The following ROBO1 variants were observed in gnomAD, a reference collection of about 807,000 sequenced individuals.
The protein encoded by ROBO1 is roundabout homolog 1.
A neutral mutation model predicts 195.9 loss-of-function variants in ROBO1; 149 were observed. The ratio of observed to expected loss-of-function variants is 0.76; its 90% confidence interval spans 0.67 to 0.87. ROBO1 has a LOEUF of 0.87. ROBO1 is among the 40% of genes least tolerant of loss of function. ROBO1 has a pLI of 0.00. For synonymous variants in ROBO1, 816 were observed against 733.2 expected (o/e 1.11, Z -1.82); for missense variants, 1,933 against 2,068.3 (o/e 0.93, Z 1.27).
At chr3:79,214,551 T>C (rs1286432620) in intron 2 of ROBO1, among the ~76,000 whole-genome samples, 5 of 151,990 alleles carry the variant, frequency 3.3e-5, no homozygotes, top group Admixed American at 3.3e-4. Flanking sequence ...ATAAAGTTTT[T>C]CACACAATGC....
At chr3:78,682,552 G>T (rs1361146744) in intron 10 of ROBO1, among the ~76,000 whole-genome samples, 1 of 147,104 alleles carries the variant, frequency 6.8e-6, no homozygotes, top group Non-Finnish European at 1.5e-5. Flanking sequence ...TAGTATATAT[G>T]TGTGTATATG....
At chr3:79,083,030 G>C (rs774505013) in intron 3 of ROBO1, among the ~76,000 whole-genome samples, 9 of 152,080 alleles carry the variant, frequency 5.9e-5, no homozygotes, top group Non-Finnish European at 1.0e-4. Context: ...AGTGACTAAA[G>C]AAATATTTAT....
intron 28 of ROBO1, among the ~76,000 whole-genome samples, chr3:78,614,233 A>G (rs1703976863): frequency 6.6e-6 from 1 of 152,202 alleles, no homozygotes; most frequent in Admixed American, 6.5e-5. Flanking sequence ...TAGAATTAAT[A>G]TTCAAACACA....
chr3:78,753,088 C>T (rs985322351), intron 4 of ROBO1, among the ~76,000 whole-genome samples: 2 of 151,954 alleles, frequency 1.3e-5, no homozygotes, highest in African/African-American at 4.8e-5. Context: ...AAATATCACT[C>T]AACATTATAT....
chr3:79,689,093 C>T (rs754608650), intron 1 of ROBO1, among the ~76,000 whole-genome samples: 8 of 151,678 alleles, frequency 5.3e-5, no homozygotes, highest in South Asian at 4.1e-4. Context: ...ATATAGTCAT[C>T]GAAAAATTGG....
At chr3:78,846,970 C>G (rs945189345) in intron 4 of ROBO1, among the ~76,000 whole-genome samples, 4 of 152,100 alleles carry the variant, frequency 2.6e-5, no homozygotes, top group Admixed American at 2.6e-4. Context: ...ACAGCTGCTA[C>G]AGCTGGCCTG....
At chr3:78,852,978 ACTGT>A (rs1000377181) in intron 4 of ROBO1, among the ~76,000 whole-genome samples, 1 of 152,146 alleles carries the variant, frequency 6.6e-6, no homozygotes, top group Non-Finnish European at 1.5e-5. Context: ...GGCATTAAAA[ACTGT>A]CTGGGCCAAT....
At position 78,963,494 on chromosome 3, in the gene ROBO1, GTTTTTTT is replaced by G. The variant is rs750158094; in HGVS notation, c.173-24574_173-24568del. Among the ~76,000 whole-genome samples, 89 of 72,312 alleles carry G rather than the reference GTTTTTTT, an allele frequency of 1.2e-3. No homozygotes were observed. The East Asian group carries it at 0.029, about 23-fold the overall frequency. The allele number at this position is 72,312 out of a possible 152,430, so 47.4% of individuals were successfully genotyped here. A position where few individuals can be genotyped will look rare whatever the true frequency, so the allele number is the denominator to read the frequency against. ...GAGAAGATCCAGAGGAAAACCTTCA[GTTTTTTT>G]TTTTTTTTTTTTTTTTTTTCTTTTT... is the stretch of plus-strand genomic sequence containing the variant. On this transcript the variant is annotated intron_variant, in intron 3 of 30. Transcript: ENST00000464233.
At chr3:79,705,325 C>T (rs574555591) in intron 1 of ROBO1, among the ~76,000 whole-genome samples, 64 of 130,962 alleles carry the variant, frequency 4.9e-4, no homozygotes, top group African/African-American at 1.8e-3. Flanking sequence ...TTGCAGTTCA[C>T]ATTTATATTG....
intron 11 of ROBO1, 75 bp from the exon 12 acceptor site, chr3:78,668,640 G>T: frequency 7.5e-7 from 1 of 1,328,730 alleles, no homozygotes; most frequent in Admixed American, 1.9e-5. Context: ...TTACAGGTTT[G>T]TATATGATCC....
chr3:79,764,003 AG>A (rs1704851560), intron 1 of ROBO1, among the ~76,000 whole-genome samples: 1 of 152,210 alleles, frequency 6.6e-6, no homozygotes, highest in South Asian at 2.1e-4. Context: ...CTCTGTCATG[AG>A]AAAGAACTTG....
intron 3 of ROBO1, among the ~76,000 whole-genome samples, chr3:79,001,130 G>C (rs1006052914): frequency 7.2e-5 from 11 of 152,010 alleles, no homozygotes; most frequent in Admixed American, 6.6e-4. Flanking sequence ...AGGGGGTCGG[G>C]GGAAAGGGGA....
At chr3:79,549,003 C>T (rs11922091) in intron 2 of ROBO1, among the ~76,000 whole-genome samples, 1,835 of 152,232 alleles carry the variant, frequency 0.012, 31 homozygotes, top group Middle Eastern at 0.051. Flanking sequence ...GGTTTTTGTA[C>T]TCATTGCTAG....
intron 2 of ROBO1, among the ~76,000 whole-genome samples, chr3:79,311,899 A>G (rs769754663): frequency 6.6e-6 from 1 of 152,150 alleles, no homozygotes; most frequent in Non-Finnish European, 1.5e-5. Flanking sequence ...GTTTAAAAAA[A>G]GCCACCTAAA....
In ROBO1 at chr3:78,838,904, G is replaced by C. The variant is rs185514314; in HGVS notation, c.500-92004C>G. 2.0e-3 allele frequency among the ~76,000 whole-genome samples: 303 copies of C among 152,282 alleles called. 5 individuals are homozygous for C. Among genetic ancestry groups the C allele is most frequent in the Middle Eastern group, 6.8e-3 (2 of 294 alleles). Reference sequence around the variant, plus strand: ...AACATGGACATTTCTGGCACTCTTAGATTAAACCTGGCACTCCTTGACTAA... The same window carrying C: ...AACATGGACATTTCTGGCACTCTTACATTAAACCTGGCACTCCTTGACTAA... On this transcript the variant is annotated intron_variant, in intron 4 of 30. Coordinates refer to ENST00000464233, the MANE Select transcript of ROBO1 (RefSeq NM_002941.4).
At chr3:78,718,858 G>C (rs1227630409) in intron 5 of ROBO1, among the ~76,000 whole-genome samples, 3 of 147,156 alleles carry the variant, frequency 2.0e-5, no homozygotes, top group Non-Finnish European at 3.0e-5. Context: ...GAGAGAGGGA[G>C]GGAGGGAGAG....
intron 2 of ROBO1, among the ~76,000 whole-genome samples, chr3:79,352,411 C>T (rs1364660539): frequency 6.6e-6 from 1 of 152,170 alleles, no homozygotes; most frequent in Non-Finnish European, 1.5e-5. Flanking sequence ...TAGTGTCTTA[C>T]ACAACTATAA....
intron 26 of ROBO1, among the ~76,000 whole-genome samples, chr3:78,624,522 A>G (rs1704641163): frequency 6.6e-6 from 1 of 152,084 alleles, no homozygotes; most frequent in Non-Finnish European, 1.5e-5. Flanking sequence ...GTATTACCCA[A>G]TTACATATAT....
At chr3:78,884,648 AAAGGAAGGAAGGAAGGAAGGAAGGAAGG>A (rs780597106) in intron 4 of ROBO1, among the ~76,000 whole-genome samples, 17 of 107,528 alleles carry the variant, frequency 1.6e-4, no homozygotes, top group Middle Eastern at 5.1e-3. Context: ...AGAAAGAAAG[AAAGGAAGGAAGGAAGGAAGGAAGGAAGG>A]AAGGAAGGAA....
Sources: gnomAD v4.1 joint callset for allele counts (sites outside exome capture counted in the v4.1 genomes callset) on GRCh38, gnomAD v4.1.1 for gene constraint, MANE v1.5 for transcripts, NCBI Gene and HGNC (gene_info 2026-07-23, HGNC 2026-07-21) for gene names.